RELCH: variants seen among roughly 807,000 people sequenced by gnomAD.
RELCH encodes the protein RAB11 binding and LisH domain, coiled-coil and HEAT repeat containing.
In RELCH, 41 loss-of-function variants were observed where a neutral mutation model predicts 150.3. The ratio of observed to expected loss-of-function variants is 0.27; its 90% CI spans 0.21 to 0.35. The LOEUF (loss-of-function observed/expected upper bound fraction) is 0.35, where lower values mean the gene tolerates loss of function less well. Ranked by LOEUF, RELCH falls within the 10% of genes least tolerant of loss-of-function variation. RELCH has a pLI of 1.00. For missense variants in RELCH, 1,092 were observed against 1,467.8 expected (o/e 0.74, Z 4.18); for synonymous variants, 478 against 531.8 (o/e 0.90, Z 1.39).
chr18:62,190,587 A>G (rs1480426165), intron 1 of RELCH, among the ~76,000 whole-genome samples: 2 of 152,080 alleles, frequency 1.3e-5, no homozygotes, highest in African/African-American at 2.4e-5. Flanking sequence ...AAAAATAAAT[A>G]AATAAATAAA....
intron 20 of RELCH, among the ~76,000 whole-genome samples, chr18:62,273,138 G>A (rs1056275623): frequency 7.3e-5 from 11 of 151,460 alleles, no homozygotes; most frequent in Non-Finnish European, 1.2e-4. Context: ...ATGTTGACTT[G>A]ACTTTATTAT....
intron 1 of RELCH, among the ~76,000 whole-genome samples, chr18:62,200,180 G>A (rs2039333840): frequency 6.6e-6 from 1 of 152,140 alleles, no homozygotes; most frequent in South Asian, 2.1e-4. Context: ...CTGCAAACTG[G>A]GAGGCTTGAA....
chr18:62,259,184 T>A (rs2043136997), intron 15 of RELCH, among the ~76,000 whole-genome samples: 1 of 152,030 alleles, frequency 6.6e-6, no homozygotes, highest in Non-Finnish European at 1.5e-5. Context: ...GATCTAATTT[T>A]TGTATTAAAA....
chr18:62,201,035 G>A (rs531699202), intron 1 of RELCH, among the ~76,000 whole-genome samples: 12 of 134,618 alleles, frequency 8.9e-5, no homozygotes, highest in South Asian at 5.2e-4. Context: ...GTGCAGTGGC[G>A]CGATCTCGGC....
chr18:62,261,498 C>T lies in RELCH; in HGVS notation c.2203-13C>T, dbSNP rs778962883. ...AAAAGACTAAAATTAGCTTCCACCT[C>T]CTTATGTTTCAGGAAGGAGAACATG... On this transcript the variant is annotated splice_polypyrimidine_tract_variant and intron_variant, in intron 15 of 28. Transcript: ENST00000644646. 1.4e-5 allele frequency: 22 copies of T among 1,609,240 alleles called. No individual in the cohort carries two copies. In the South Asian group the frequency reaches 2.3e-4, roughly 17 times the overall value.
chr18:62,264,605 CA>C (rs2144726955), intron 17 of RELCH, 123 bp from the exon 18 acceptor site: 1 of 707,360 alleles, frequency 1.4e-6, no homozygotes, highest in East Asian at 2.7e-5. Context: ...GGGTCCCAGA[CA>C]ATGCCTTTCC....
intron 25 of RELCH, chr18:62,284,135 G>A (rs1444498744): frequency 6.6e-6 from 1 of 151,722 alleles, no homozygotes; most frequent in African/African-American, 2.4e-5. Context: ...AGTAATTCTG[G>A]GACTATAGTT....
intron 5 of RELCH, among the ~76,000 whole-genome samples, chr18:62,222,789 G>T (rs1215025021): frequency 6.6e-6 from 1 of 151,892 alleles, no homozygotes; most frequent in Non-Finnish European, 1.5e-5. Context: ...AATTCAAATG[G>T]TTCACTTACA....
intron 18 of RELCH, among the ~76,000 whole-genome samples, chr18:62,265,337 T>A (rs1426473246): frequency 6.6e-6 from 1 of 152,060 alleles, no homozygotes; most frequent in African/African-American, 2.4e-5. Flanking sequence ...TCTACATGTT[T>A]CAGTCATTAC....
rs757930352 is a variant in RELCH, at chr18:62,291,576, T to A, written c.3404T>A (p.Leu1135Ter). Residue 1135 changes from leucine (L) to a stop codon, truncating the protein, a stop_gained, in exon 27 of 29, where the codon TTA becomes TAA. Coordinates refer to ENST00000644646, the MANE Select transcript of RELCH (RefSeq NM_001346231.2). LOFTEE classifies it high-confidence loss of function. ...ISEDLMVNHF[L>*]PGLRCLRTDM... ...GAGGATTTAATGGTTAATCACTTTT[T>A]ACCTGGTCTCAGATGTTTACGGACT... 1 of 1,611,088 alleles carries A rather than the reference T, an allele frequency of 6.2e-7. No individual in the cohort carries two copies. Among genetic ancestry groups the A allele is most frequent in the Admixed American group, 1.7e-5 (1 of 59,612 alleles).
chr18:62,239,642 T>A (rs2148473989), intron 10 of RELCH, among the ~76,000 whole-genome samples: 1 of 152,236 alleles, frequency 6.6e-6, no homozygotes, highest in East Asian at 1.9e-4. Flanking sequence ...TTCCAAATGA[T>A]CTTTTCAATT....
chr18:62,202,338 T>G (rs2039507917), intron 1 of RELCH, among the ~76,000 whole-genome samples: 1 of 152,208 alleles, frequency 6.6e-6, no homozygotes. Context: ...CTTGAAGCTT[T>G]AATATAACCT....
rs58842870 is a variant in RELCH, at chr18:62,229,485, GGTGT to G, written c.1448+920_1448+923del. On this transcript the variant is annotated intron_variant, in intron 8 of 28. Transcript: ENST00000644646. ...CACAGCTTCTTCTGTGTATAGTAGG[GGTGT>G]GTGTGTGTGTGTGTGTGTGTGTGTG... is the stretch of plus-strand genomic sequence containing the variant. Among the ~76,000 whole-genome samples the G allele has an allele frequency of 1.1e-3, 158 of 143,394 alleles. 1 individual carries two copies. Among genetic ancestry groups the G allele is most frequent in the South Asian group, 6.9e-3 (30 of 4,332 alleles). 94.1% of individuals were successfully genotyped at this position (143,394 alleles called of 152,430 possible).
At chr18:62,210,892 T>A (rs2040117150) in intron 1 of RELCH, among the ~76,000 whole-genome samples, 2 of 152,204 alleles carry the variant, frequency 1.3e-5, no homozygotes, top group Non-Finnish European at 2.9e-5. Context: ...GTTTGTTTGT[T>A]TTGTCCTTGC....
At chr18:62,255,146 C>G (rs553705031) in intron 12 of RELCH, among the ~76,000 whole-genome samples, 76 of 152,122 alleles carry the variant, frequency 5.0e-4, no homozygotes, top group Admixed American at 7.9e-4. Flanking sequence ...TTAGGCAAGC[C>G]CATAATCTCT....
At chr18:62,200,618 T>C (rs1014883954) in intron 1 of RELCH, among the ~76,000 whole-genome samples, 5 of 151,844 alleles carry the variant, frequency 3.3e-5, no homozygotes, top group Non-Finnish European at 7.4e-5. Context: ...ATCCAGAAAT[T>C]AGCCTTTCTA....
intron 26 of RELCH, among the ~76,000 whole-genome samples, chr18:62,290,244 A>G (rs2045043011): frequency 6.6e-6 from 1 of 152,138 alleles, no homozygotes; most frequent in East Asian, 1.9e-4. Flanking sequence ...TAATTTAATC[A>G]TCTTTATGGC....
At chr18:62,304,627 G>A (rs1408230022) in intron 28 of RELCH, among the ~76,000 whole-genome samples, 1 of 152,206 alleles carries the variant, frequency 6.6e-6, no homozygotes, top group African/African-American at 2.4e-5. Context: ...GTTGGCCAAA[G>A]GCACAAGGCA....
At chr18:62,304,718 CAGT>C (rs2045807874) in intron 28 of RELCH, among the ~76,000 whole-genome samples, 1 of 152,108 alleles carries the variant, frequency 6.6e-6, no homozygotes, top group Non-Finnish European at 1.5e-5. Context: ...TGTTTCTGTT[CAGT>C]ACTATGATAA....
Sources: allele counts gnomAD v4.1 joint callset (sites outside exome capture counted in the v4.1 genomes callset), GRCh38; gene constraint gnomAD v4.1.1; transcripts MANE v1.5; gene names NCBI Gene and HGNC (gene_info 2026-07-23, HGNC 2026-07-21).